The following GOLGA6L7 variants were observed in gnomAD, a reference collection of about 807,000 sequenced individuals.
The protein encoded by GOLGA6L7 is golgin A6 family like 7.
A neutral mutation model predicts 68.9 loss-of-function variants in GOLGA6L7; 29 were observed. The observed-to-expected ratio is 0.42, with a 90% CI of 0.31 to 0.57. GOLGA6L7 has a LOEUF of 0.57. Ranked by LOEUF, GOLGA6L7 falls within the 20% of genes least tolerant of loss-of-function variation. GOLGA6L7 has a pLI of 0.13. For missense variants in GOLGA6L7, 396 were observed against 588.4 expected (o/e 0.67, Z 3.38); for synonymous variants, 133 against 197.4 (o/e 0.67, Z 2.73).
In GOLGA6L7 at chr15:28,847,762, G is replaced by C. The variant is rs1346537778; in HGVS notation, c.52-570C>G. Among the ~76,000 whole-genome samples, 4 of 152,236 alleles carry C rather than the reference G, an allele frequency of 2.6e-5. No homozygotes were observed. The East Asian group carries it at 7.7e-4, about 29-fold the overall frequency. The stretch of plus-strand genomic sequence containing the variant: ...CACTCAAAGTACCCCAGGTTGAGAT[G>C]AGATGAGGAAGATTCAAGTTGTCAA... On this transcript the variant is annotated intron_variant, in intron 1 of 8. Transcript: ENST00000567390.
chr15:28,846,080 C>T, intron 3 of GOLGA6L7, 130 bp from the exon 4 acceptor site: 1 of 755,574 alleles, frequency 1.3e-6, no homozygotes, highest in Non-Finnish European at 2.4e-6. Flanking sequence ...TATCAGGGAC[C>T]CTGTGGGGAT....
At position 28,842,247 on chromosome 15, in the gene GOLGA6L7, G is replaced by T; in HGVS notation, c.1857C>A (p.Ile619=). The change falls in exon 9 of 9, where the codon ATC becomes ATA. Residue 619 remains isoleucine, a synonymous_variant. Transcript: ENST00000567390. ...TTGACCGTTCTTTTTAGATACTGATGATCTTGATCTTTTTCTTGTCTCCTC... is the reference window on the plus strand; with the variant it reads ...TTGACCGTTCTTTTTAGATACTGATTATCTTGATCTTTTTCTTGTCTCCTC... The part of the protein sequence containing the change: ...FYGGDKKKIK[I]ISI The T allele has an allele frequency of 8.1e-7, 1 of 1,229,038 alleles. No homozygotes were observed. Among genetic ancestry groups the T allele is most frequent in the South Asian group, 4.1e-5 (1 of 24,198 alleles). 76.1% of individuals were successfully genotyped at this position (1,229,038 alleles called of 1,614,324 possible).
rs1035176258 is a variant in GOLGA6L7, at chr15:28,842,243, T to A, written c.1861A>T (p.Ser621Cys). The change falls in exon 9 of 9, where the codon AGT becomes TGT. Residue 621 changes from serine to cysteine, a missense_variant. Ser to Cys is a moderately radical substitution (Grantham distance 112). Coordinates refer to ENST00000567390, the MANE Select transcript of GOLGA6L7 (RefSeq NM_001365371.2). The part of the protein sequence containing the change: ...GGDKKKIKII[S>C]I ...CTTGTTGACCGTTCTTTTTAGATAC[T>A]GATGATCTTGATCTTTTTCTTGTCT... 1 of 1,229,140 alleles carries A rather than the reference T, an allele frequency of 8.1e-7. No homozygotes were observed. Among genetic ancestry groups the A allele is most frequent in the Non-Finnish European group, 1.0e-6 (1 of 984,944 alleles). 76.1% of individuals were successfully genotyped at this position (1,229,140 alleles called of 1,614,324 possible).
chr15:28,844,625 G>A (rs551936177), intron 6 of GOLGA6L7, among the ~76,000 whole-genome samples: 2 of 151,622 alleles, frequency 1.3e-5, no homozygotes, highest in African/African-American at 4.9e-5. Flanking sequence ...ACTCAGTAAG[G>A]GTGGAAGGCA....
In GOLGA6L7 at chr15:28,848,570, G is replaced by A. The variant is rs1417243591; in HGVS notation, c.-21C>T. ...ATCATGGGGTGGGGAGGGTGGTGGGGTTGGGGTCACATTGGCGTGATCCAG... is the reference window on the plus strand; with the variant it reads ...ATCATGGGGTGGGGAGGGTGGTGGGATTGGGGTCACATTGGCGTGATCCAG... On this transcript the variant is annotated 5_prime_UTR_variant, in exon 1 of 9. Transcript: ENST00000567390. The A allele has an allele frequency of 1.4e-6, 1 of 712,280 alleles. No homozygotes were observed. The highest frequency in any genetic ancestry group is 2.6e-6 in the Non-Finnish European group (1 of 389,710). 44.1% of individuals were successfully genotyped at this position (712,280 alleles called of 1,614,324 possible).
intron 8 of GOLGA6L7, 21 bp from the exon 9 acceptor site, chr15:28,843,461 T>C (rs2030294423): frequency 1.9e-6 from 1 of 513,158 alleles, no homozygotes; most frequent in African/African-American, 2.0e-5. Flanking sequence ...AATAGAGTCA[T>C]AAGCTAGGTA....
In GOLGA6L7 at chr15:28,847,152, GT is replaced by G; in HGVS notation, c.91del (p.Thr31ProfsTer11). The G allele has an allele frequency of 7.7e-7, 1 of 1,301,308 alleles. No homozygotes were observed. The highest frequency in any genetic ancestry group is 1.7e-5 in the Admixed American group (1 of 58,072). The allele number at this position is 1,301,308 out of a possible 1,614,324, so 80.6% of individuals were successfully genotyped here. Reference protein sequence around the residue: ...YHQWNSAGVGTGATDTKKKKI... With the variant: ...YHQWNSAGVGXGATDTKKKKI... ...CTTCTTTTTGGTGTCGGTTGCTCCG[GT>G]ACCAACACCAGCACTGTTCCACTGA... On this transcript the variant is annotated frameshift_variant, in exon 2 of 9. Coordinates refer to ENST00000567390, the MANE Select transcript of GOLGA6L7 (RefSeq NM_001365371.2). LOFTEE classifies it high-confidence loss of function.
Position 28,841,956 on chromosome 15 carries a change from T to C in GOLGA6L7, c.*279A>G. On this transcript the variant is annotated 3_prime_UTR_variant, in exon 9 of 9. Transcript: ENST00000567390. ...TTAGAGTCCTCAGGTAGAATTTTTT[T>C]TTTTTTTTTTGAAATGGGAGTTTCA... 4.4e-6 allele frequency: 1 copy of C among 225,152 alleles called. No homozygotes were observed. Among genetic ancestry groups the C allele is most frequent in the East Asian group, 9.0e-5 (1 of 11,062 alleles). The allele number at this position is 225,152 out of a possible 1,614,324, so 13.9% of individuals were successfully genotyped here.
intron 6 of GOLGA6L7, among the ~76,000 whole-genome samples, chr15:28,844,653 T>C (rs900084635): frequency 2.0e-5 from 3 of 149,318 alleles, no homozygotes; most frequent in Admixed American, 6.7e-5. Context: ...AGAGACTGAA[T>C]TGATAGCTGG....
intron 2 of GOLGA6L7, 121 bp downstream of exon 2, chr15:28,846,943 G>A (rs1282256868): frequency 1.7e-6 from 1 of 578,442 alleles, no homozygotes; most frequent in African/African-American, 2.6e-5. Context: ...GAGAGAAGTA[G>A]GACTCAAACC....
rs1394225055 is a variant in GOLGA6L7, at chr15:28,842,325, G to A, written c.1779C>T (p.Asn593=). The change falls in exon 9 of 9, where the codon AAC becomes AAT. Residue 593 remains asparagine, a synonymous_variant. Transcript: ENST00000567390. ...TGCCTAAGCCTGGGCGCTCCTGGGC[G>A]TTCTTCATTCCAGGGGGCAGCTGCA... The part of the protein sequence containing the change: ...QIMQLPPGMK[N]AQERPGLGST... 4.5e-5 allele frequency: 55 copies of A among 1,230,732 alleles called. No homozygotes were observed. The highest frequency in any genetic ancestry group is 2.1e-4 in the South Asian group (5 of 24,290). The allele number at this position is 1,230,732 out of a possible 1,614,324, so 76.2% of individuals were successfully genotyped here. A position where few individuals can be genotyped will look rare whatever the true frequency, so the allele number is the denominator to read the frequency against.
rs2030294332 is a variant in GOLGA6L7 at position 28,843,460 on chromosome 15, A to G, written c.664-20T>C. 2.5e-5 allele frequency: 13 copies of G among 529,392 alleles called. 1 individual carries two copies. In the East Asian group the frequency reaches 4.1e-4, roughly 17 times the overall value. The allele number at this position is 529,392 out of a possible 1,614,324, so 32.8% of individuals were successfully genotyped here. On this transcript the variant is annotated intron_variant, in intron 8 of 8. Coordinates refer to ENST00000567390, the MANE Select transcript of GOLGA6L7 (RefSeq NM_001365371.2). Reference sequence around the variant, plus strand: ...TTGAACCTCAAAAGGAAATAGAGTCATAAGCTAGGTATATAAATGTAATCT... The same window carrying G: ...TTGAACCTCAAAAGGAAATAGAGTCGTAAGCTAGGTATATAAATGTAATCT...
chr15:28,847,490 TA>T (rs1742100213), intron 1 of GOLGA6L7, among the ~76,000 whole-genome samples: 1 of 152,018 alleles, frequency 6.6e-6, no homozygotes, highest in Non-Finnish European at 1.5e-5. Flanking sequence ...CAGGAAGGTG[TA>T]CACTGTGTGG....
At chr15:28,848,297 C>G (rs569462597) in intron 1 of GOLGA6L7, among the ~76,000 whole-genome samples, 1 of 151,912 alleles carries the variant, frequency 6.6e-6, no homozygotes, top group African/African-American at 2.4e-5. Flanking sequence ...GAAAGTCACC[C>G]TGGGGTGACC....
intron 6 of GOLGA6L7, 118 bp from the exon 7 acceptor site, chr15:28,844,381 C>T: frequency 2.6e-6 from 1 of 386,932 alleles, no homozygotes; most frequent in East Asian, 3.8e-5. Flanking sequence ...TCACACCCGA[C>T]ATGTTCTCAA....
rs1185244876 is a variant in GOLGA6L7, at chr15:28,842,501, C to T, written c.1603G>A (p.Gly535Arg). The change falls in exon 9 of 9, where the codon GGA (glycine) becomes AGA (arginine). Residue 535 changes from glycine (G) to arginine (R), a missense_variant. Coordinates refer to ENST00000567390, the MANE Select transcript of GOLGA6L7 (RefSeq NM_001365371.2). ...TCCTCCTGCGTCTTCTCCTGCTCTC[C>T]CATCCTCTCCTTCTTCTCCCGCCTC... ...EKRREKKERM[G>R]EQEKTQEERC... 2.5e-6 allele frequency: 3 copies of T among 1,192,486 alleles called. No homozygotes were observed. The highest frequency in any genetic ancestry group is 3.2e-6 in the Non-Finnish European group (3 of 942,978). The allele number at this position is 1,192,486 out of a possible 1,614,324, so 73.9% of individuals were successfully genotyped here.
Position 28,845,512 on chromosome 15 carries a change from T to G in GOLGA6L7, c.462+17A>C, listed in dbSNP as rs1467985821. 7.1e-6 allele frequency: 5 copies of G among 704,542 alleles called. No homozygotes were observed. Among genetic ancestry groups the G allele is most frequent in the Admixed American group, 4.0e-5 (2 of 49,998 alleles). The allele number at this position is 704,542 out of a possible 1,614,324, so 43.6% of individuals were successfully genotyped here. ...GAAGCTGGGCTCCCAGGGGACCGGGTAGGTGGTTGGACTCACCTTGTCCGC... is the reference window on the plus strand; with the variant it reads ...GAAGCTGGGCTCCCAGGGGACCGGGGAGGTGGTTGGACTCACCTTGTCCGC... On this transcript the variant is annotated intron_variant, in intron 6 of 8. Transcript: ENST00000567390.
At chr15:28,845,120 G>A (rs1442446501) in intron 6 of GOLGA6L7, 9 of 301,318 alleles carry the variant, frequency 3.0e-5, no homozygotes, top group Non-Finnish European at 5.3e-5. Flanking sequence ...ACCATAATAC[G>A]TACGTACACA....
intron 2 of GOLGA6L7, chr15:28,846,692 C>A (rs1393082939): frequency 3.1e-6 from 1 of 327,120 alleles, no homozygotes; most frequent in African/African-American, 2.9e-5. Flanking sequence ...AAATCTCAGA[C>A]TCTCAGAGCA....
Sources: allele counts gnomAD v4.1 joint callset (sites outside exome capture counted in the v4.1 genomes callset), GRCh38; gene constraint gnomAD v4.1.1; transcripts MANE v1.5; gene names NCBI Gene and HGNC (gene_info 2026-07-23, HGNC 2026-07-21).